The following WDR55 variants were observed in gnomAD, a reference collection of about 807,000 sequenced individuals.
The protein encoded by WDR55 is WD repeat-containing protein 55.
In WDR55, 31 loss-of-function variants were observed where a neutral mutation model predicts 34.0. The ratio of observed to expected loss-of-function variants is 0.91; its 90% confidence interval spans 0.69 to 1.23. WDR55 has a LOEUF of 1.23. WDR55 is among the 50% of genes most tolerant of loss of function. The probability of loss-of-function intolerance (pLI) is 0.00; values close to 1 mark genes in which losing one functional copy is unlikely to be tolerated. For synonymous variants in WDR55, 164 were observed against 185.9 expected (o/e 0.88, Z 0.96); for missense variants, 440 against 494.6 (o/e 0.89, Z 1.05).
Position 140,669,202 on chromosome 5 carries a change from G to C in WDR55, c.784G>C (p.Val262Leu). 1 of 1,613,884 alleles carries C rather than the reference G, an allele frequency of 6.2e-7. No individual in the cohort carries two copies. ...RAESIDCMVPVTESLLCTGST... is the reference protein window; with the variant it reads ...RAESIDCMVPLTESLLCTGST... The stretch of plus-strand genomic sequence containing the variant: ...TGAATCTATCGACTGCATGGTTCCA[G>C]TCACCGAGAGTCTGCTGTGTACTGG... The change falls in exon 6 of 7, where the codon GTC becomes CTC. Residue 262 changes from valine (V) to leucine (L), a missense_variant. Physicochemically the swap from Val to Leu is conservative, Grantham distance 32. Transcript: ENST00000358337.
rs752360509 is a variant in WDR55 at position 140,668,987 on chromosome 5, GA to G, written c.660del (p.Lys220AsnfsTer6). On this transcript the variant is annotated frameshift_variant and splice_region_variant, in exon 5 of 7. Coordinates refer to ENST00000358337, the MANE Select transcript of WDR55 (RefSeq NM_017706.5). LOFTEE classifies it high-confidence loss of function. ...GGGACCTGACCTCTGTCACTCTCAT[GA>G]AAGTACAGCTGGTTATGGTGGGATG... ...SGDLTSVTLM[K>X]WGKKVACGSS... 3.7e-6 allele frequency: 6 copies of G among 1,614,210 alleles called. No individual in the cohort carries two copies. The Admixed American group carries it at 1.0e-4, about 27-fold the overall frequency.
intron 6 of WDR55, 23 bp downstream of exon 6, chr5:140,669,271 T>C (rs761259259): frequency 6.2e-7 from 1 of 1,613,052 alleles, no homozygotes; most frequent in Non-Finnish European, 8.5e-7. Context: ...TGGACAGCCC[T>C]TAGGTCACAG....
intron 1 of WDR55, among the ~76,000 whole-genome samples, chr5:140,665,771 G>A (rs138246154): frequency 0.016 from 2,477 of 152,264 alleles, 41 homozygotes; most frequent in Non-Finnish European, 0.027. Context: ...GGAGGCCGAG[G>A]TGGGCGGGTC....
rs148667494 is a variant in WDR55, at chr5:140,666,761, A to G, written c.192-1473A>G. 2,277 of 985,446 alleles carry G rather than the reference A, an allele frequency of 2.3e-3. 15 individuals are homozygous for G. The highest frequency in any genetic ancestry group is 0.018 in the South Asian group (380 of 21,290). 61.0% of individuals were successfully genotyped at this position (985,446 alleles called of 1,614,324 possible). On this transcript the variant is annotated intron_variant, in intron 1 of 6. Transcript: ENST00000358337. Reference sequence around the variant, plus strand: ...CTATTATTGTGTACATGTACACAAAATGCTGATCGTAGCTTACTAGTCCGT... The same window carrying G: ...CTATTATTGTGTACATGTACACAAAGTGCTGATCGTAGCTTACTAGTCCGT...
Position 140,668,417 on chromosome 5 carries a change from C to G in WDR55, c.295C>G (p.Leu99Val), listed in dbSNP as rs1406914381. The change falls in exon 3 of 7, where the codon CTC (leucine) becomes GTC (valine). Residue 99 changes from leucine to valine, a missense_variant and splice_region_variant. Physicochemically the swap from Leu to Val is conservative, Grantham distance 32 (BLOSUM62 1). Transcript: ENST00000358337. ...TGACCTGGGCACCTTTTCCCCAGAG[C>G]TCATTACTGTCTCCAAGGACAAAGC... ...AVAFSEDGQK[L>V]ITVSKDKAIH... The G allele has an allele frequency of 6.2e-7, 1 of 1,614,182 alleles. No individual in the cohort carries two copies. Among genetic ancestry groups the G allele is most frequent in the Non-Finnish European group, 8.5e-7 (1 of 1,180,040 alleles).
In WDR55 at chr5:140,669,091, G is replaced by A; in HGVS notation, c.673G>A (p.Val225Ile). The A allele has an allele frequency of 1.2e-6, 2 of 1,614,158 alleles. No homozygotes were observed. The highest frequency in any genetic ancestry group is 1.7e-6 in the Non-Finnish European group (2 of 1,180,030). ...TATTTCCCTGCAGTGGGGGAAGAAGGTAGCCTGTGGCTCCAGTGAAGGTAC... is the reference window on the plus strand; with the variant it reads ...TATTTCCCTGCAGTGGGGGAAGAAGATAGCCTGTGGCTCCAGTGAAGGTAC... ...SVTLMKWGKK[V>I]ACGSSEGTIY... Residue 225 changes from valine to isoleucine, a missense_variant, in exon 6 of 7, where the codon GTA (valine) becomes ATA (isoleucine). Transcript: ENST00000358337.
At chr5:140,665,446 C>A (rs973296686) in intron 1 of WDR55, among the ~76,000 whole-genome samples, 1 of 152,132 alleles carries the variant, frequency 6.6e-6, no homozygotes. Context: ...GCAACCTCCC[C>A]CTTCCGGGTT....
rs1758084179 is a variant in WDR55 at position 140,671,814 on chromosome 5, G to C, written c.*2160G>C. 1.1e-5 allele frequency: 16 copies of C among 1,502,246 alleles called. No individual in the cohort carries two copies. The South Asian group carries it at 1.2e-4, about 11-fold the overall frequency. 93.1% of individuals were successfully genotyped at this position (1,502,246 alleles called of 1,614,324 possible). A position where few individuals can be genotyped will look rare whatever the true frequency, so the allele number is the denominator to read the frequency against. ...CTGGGCCCAAGCCTCCAGGTGGTGAGCCCTTTGGAGCTACACAGTCCTGTT... is the reference window on the plus strand; with the variant it reads ...CTGGGCCCAAGCCTCCAGGTGGTGACCCCTTTGGAGCTACACAGTCCTGTT... On this transcript the variant is annotated 3_prime_UTR_variant, in exon 7 of 7. Transcript: ENST00000358337.
chr5:140,665,126 G>T (rs113164916), intron 1 of WDR55, 23 bp downstream of exon 1: 1 of 1,554,776 alleles, frequency 6.4e-7, no homozygotes, highest in Non-Finnish European at 8.7e-7. Context: ...CAGGGCCGGG[G>T]CGCCGGGTCT....
At chr5:140,666,660 G>A (rs1023261553) in intron 1 of WDR55, 2 of 984,514 alleles carry the variant, frequency 2.0e-6, no homozygotes, top group Non-Finnish European at 2.4e-6. Flanking sequence ...TTTTTCAAAC[G>A]TCTTTGACCT....
In WDR55 at chr5:140,671,343, T is replaced by C; in HGVS notation, c.*1689T>C. ...TCAGCCCCAGCAGACCACAGGAGGT[T>C]GGCCCCAGACTCACTGAGTGCCTGC... On this transcript the variant is annotated 3_prime_UTR_variant, in exon 7 of 7. Coordinates refer to ENST00000358337, the MANE Select transcript of WDR55 (RefSeq NM_017706.5). The C allele has an allele frequency of 6.2e-7, 1 of 1,612,876 alleles. No individual in the cohort carries two copies. The highest frequency in any genetic ancestry group is 8.5e-7 in the Non-Finnish European group (1 of 1,179,924).
At chr5:140,667,941 G>C (rs747417811) in intron 1 of WDR55, 17 of 270,058 alleles carry the variant, frequency 6.3e-5, no homozygotes, top group Non-Finnish European at 1.1e-4. Flanking sequence ...CAGTGGTCCA[G>C]ACCCAATCTT....
rs1757971369 is a variant in WDR55 at position 140,668,329 on chromosome 5, G to A, written c.287G>A (p.Gly96Glu). 1 of 1,614,184 alleles carries A rather than the reference G, an allele frequency of 6.2e-7. No individual in the cohort carries two copies. Among genetic ancestry groups the A allele is most frequent in the Non-Finnish European group, 8.5e-7 (1 of 1,180,032 alleles). Residue 96 changes from glycine to glutamate, a missense_variant, in exon 2 of 7, where the codon GGG becomes GAG. Transcript: ENST00000358337. Reference protein sequence around the residue: ...ACRAVAFSEDGQKLITVSKDK... With the variant: ...ACRAVAFSEDEQKLITVSKDK... ...CGAGCTGTGGCCTTCTCTGAAGATG[G>A]GCAGAGTGAGTACTGGGGAAGACAA...
At position 140,672,152 on chromosome 5, in the gene WDR55, CAATTTCTCTA is replaced by C; in HGVS notation, c.*2500_*2509del. The C allele has an allele frequency of 5.3e-6, 3 of 561,048 alleles. No homozygotes were observed. The highest frequency in any genetic ancestry group is 6.4e-6 in the Non-Finnish European group (2 of 314,290). The allele number at this position is 561,048 out of a possible 1,614,324, so 34.8% of individuals were successfully genotyped here. A position where few individuals can be genotyped will look rare whatever the true frequency, so the allele number is the denominator to read the frequency against. On this transcript the variant is annotated 3_prime_UTR_variant, in exon 7 of 7. Transcript: ENST00000358337. ...CTCAGTTGGATTCCCTTGAGCAAATCAATTTCTCTAACAGTTTCCTCATAGCTTGAGGGTC... is the reference window on the plus strand; with the variant it reads ...CTCAGTTGGATTCCCTTGAGCAAATCACAGTTTCCTCATAGCTTGAGGGTC...
Position 140,671,481 on chromosome 5 carries a change from C to T in WDR55, c.*1827C>T. 6.2e-7 allele frequency: 1 copy of T among 1,604,420 alleles called. No homozygotes were observed. The highest frequency in any genetic ancestry group is 8.5e-7 in the Non-Finnish European group (1 of 1,176,862). ...GGCACCGGATGCCCAGGAATCACCA[C>T]CTGGTACCAGAAGCGGTGCCAGCCA... is the stretch of plus-strand genomic sequence containing the variant. On this transcript the variant is annotated 3_prime_UTR_variant, in exon 7 of 7. Coordinates refer to ENST00000358337, the MANE Select transcript of WDR55 (RefSeq NM_017706.5).
Position 140,665,083 on chromosome 5 carries a change from C to T in WDR55, c.171C>T (p.Asp57=), listed in dbSNP as rs1185317110. The change falls in exon 1 of 7, where the codon GAC becomes GAT. Residue 57 remains aspartate, a synonymous_variant. Coordinates refer to ENST00000358337, the MANE Select transcript of WDR55 (RefSeq NM_017706.5). ...HPARDLLAAG[D]VDGDVFVFSY... The stretch of plus-strand genomic sequence containing the variant: ...CCCGTGACCTACTGGCTGCAGGGGA[C>T]GTGGACGGGGACGTGTTCGTGTGAG... 3 of 1,603,170 alleles carry T rather than the reference C, an allele frequency of 1.9e-6. No homozygotes were observed. Among genetic ancestry groups the T allele is most frequent in the East Asian group, 2.2e-5 (1 of 44,652 alleles).
Position 140,671,879 on chromosome 5 carries a change from TAAG to T in WDR55, c.*2228_*2230del. 7 of 1,056,552 alleles carry T rather than the reference TAAG, an allele frequency of 6.6e-6. No homozygotes were observed. In the South Asian group the frequency reaches 9.6e-5, roughly 14 times the overall value. 65.4% of individuals were successfully genotyped at this position (1,056,552 alleles called of 1,614,324 possible). On this transcript the variant is annotated 3_prime_UTR_variant, in exon 7 of 7. Transcript: ENST00000358337. ...CATTTCCTGGTAGTGTGACCATGGG[TAAG>T]AAAAGACAATGAAGCCTTCAGCCTC...
In WDR55 at chr5:140,669,476, C is replaced by T; in HGVS notation, c.974C>T (p.Ala325Val). 2 of 1,614,120 alleles carry T rather than the reference C, an allele frequency of 1.2e-6. No individual in the cohort carries two copies. The highest frequency in any genetic ancestry group is 1.7e-5 in the Admixed American group (1 of 60,014). Residue 325 changes from alanine to valine, a missense_variant, in exon 7 of 7, where the codon GCC (alanine) becomes GTC (valine). Ala to Val is a moderately conservative substitution (Grantham distance 64). Coordinates refer to ENST00000358337, the MANE Select transcript of WDR55 (RefSeq NM_017706.5). ...HDQRLKFWDM[A>V]QLRAVVVDDY... ...CAGCGCCTCAAGTTTTGGGACATGG[C>T]CCAGCTGCGAGCTGTGGTGGTGGAT...
At chr5:140,666,345 G>A (rs1418751061) in intron 1 of WDR55, among the ~76,000 whole-genome samples, 4 of 151,796 alleles carry the variant, frequency 2.6e-5, no homozygotes, top group East Asian at 3.9e-4. Flanking sequence ...GCAGTGAGCC[G>A]AGATCGTGCC....
Sources: allele counts gnomAD v4.1 joint callset (sites outside exome capture counted in the v4.1 genomes callset), GRCh38; gene constraint gnomAD v4.1.1; transcripts MANE v1.5; gene names NCBI Gene and HGNC (gene_info 2026-07-23, HGNC 2026-07-21).